The following SH3GL3 variants were observed in gnomAD, a reference collection of about 807,000 sequenced individuals.
SH3GL3 encodes endophilin-A3.
A neutral mutation model predicts 47.7 loss-of-function variants in SH3GL3; 33 were observed. The observed-to-expected ratio is 0.69, with a 90% CI of 0.52 to 0.92. SH3GL3 has a LOEUF of 0.92. SH3GL3 is among the 40% of genes least tolerant of loss of function. SH3GL3 has a pLI of 0.00. For synonymous variants in SH3GL3, 155 were observed against 148.8 expected (o/e 1.04, Z -0.30); for missense variants, 363 against 417.8 (o/e 0.87, Z 1.14).
At chr15:83,537,189 C>T (rs1322428257) in intron 1 of SH3GL3, among the ~76,000 whole-genome samples, 1 of 152,082 alleles carries the variant, frequency 6.6e-6, no homozygotes, top group Non-Finnish European at 1.5e-5. Context: ...GCAGGGCTGC[C>T]TCTTCATGTT....
chr15:83,602,762 G>A (rs1453966117), intron 8 of SH3GL3, among the ~76,000 whole-genome samples: 1 of 152,100 alleles, frequency 6.6e-6, no homozygotes, highest in African/African-American at 2.4e-5. Context: ...AAAGTGTCTT[G>A]ATTAGACCCT....
intron 1 of SH3GL3, among the ~76,000 whole-genome samples, chr15:83,541,329 T>TG (rs2044151663): frequency 1.2e-5 from 1 of 81,328 alleles, no homozygotes; most frequent in African/African-American, 5.6e-5. Context: ...TTTTTTTTTT[T>TG]TTTTTTTTTT....
At chr15:83,499,231 TAGC>T (rs1335448930) in intron 1 of SH3GL3, among the ~76,000 whole-genome samples, 1 of 152,102 alleles carries the variant, frequency 6.6e-6, no homozygotes, top group Non-Finnish European at 1.5e-5. Context: ...GGTTTACAGT[TAGC>T]AGTATTTTAT....
At chr15:83,553,123 A>G (rs1814774968) in intron 1 of SH3GL3, among the ~76,000 whole-genome samples, 1 of 152,086 alleles carries the variant, frequency 6.6e-6, no homozygotes, top group South Asian at 2.1e-4. Flanking sequence ...AAAATGAGCC[A>G]GGCATGATGC....
At chr15:83,481,337 T>C (rs771161867) in intron 1 of SH3GL3, among the ~76,000 whole-genome samples, 1 of 151,712 alleles carries the variant, frequency 6.6e-6, no homozygotes, top group Non-Finnish European at 1.5e-5. Flanking sequence ...GCTGAAATAA[T>C]TATTTGCTGA....
intron 1 of SH3GL3, among the ~76,000 whole-genome samples, chr15:83,538,245 C>T (rs185014917): frequency 1.8e-4 from 27 of 152,198 alleles, no homozygotes; most frequent in African/African-American, 1.2e-4. Flanking sequence ...CAGATAGGGA[C>T]GAAGTGGTCC....
chr15:83,538,339 G>T (rs887715578), intron 1 of SH3GL3, among the ~76,000 whole-genome samples: 8 of 152,164 alleles, frequency 5.3e-5, no homozygotes, highest in Non-Finnish European at 1.2e-4. Flanking sequence ...TGAATGCAGG[G>T]CTTATGGAAG....
At chr15:83,564,749 A>G (rs1022803582) in intron 2 of SH3GL3, among the ~76,000 whole-genome samples, 1 of 152,182 alleles carries the variant, frequency 6.6e-6, no homozygotes, top group African/African-American at 2.4e-5. Flanking sequence ...GCATCCTTAT[A>G]TAAGTATAGA....
chr15:83,511,344 T>C (rs541084016), intron 1 of SH3GL3, among the ~76,000 whole-genome samples: 1 of 152,260 alleles, frequency 6.6e-6, no homozygotes, highest in South Asian at 2.1e-4. Context: ...CAGCTCCAGA[T>C]GTAAACTTTT....
chr15:83,501,926 C>A (rs374242141), intron 1 of SH3GL3, among the ~76,000 whole-genome samples: 3 of 152,212 alleles, frequency 2.0e-5, no homozygotes, highest in East Asian at 3.9e-4. Context: ...TTACTGGCTT[C>A]TTTTTAGACA....
At chr15:83,591,932 C>T (rs2151814020) in intron 8 of SH3GL3, among the ~76,000 whole-genome samples, 1 of 152,226 alleles carries the variant, frequency 6.6e-6, no homozygotes, top group South Asian at 2.1e-4. Flanking sequence ...CTTGGCCTCC[C>T]AAAGTGCTGG....
chr15:83,597,685 C>T (rs974174742), intron 8 of SH3GL3, among the ~76,000 whole-genome samples: 108 of 151,970 alleles, frequency 7.1e-4, no homozygotes, highest in African/African-American at 2.4e-3. Context: ...TCTCGGCTCA[C>T]TGCAACCTCC....
intron 5 of SH3GL3, among the ~76,000 whole-genome samples, chr15:83,573,650 G>A (rs1009829743): frequency 2.0e-5 from 3 of 152,228 alleles, no homozygotes; most frequent in African/African-American, 7.2e-5. Flanking sequence ...GGTGGGATGT[G>A]TGAGCTTGGG....
chr15:83,607,350 A>C (rs1327261155), intron 8 of SH3GL3, among the ~76,000 whole-genome samples: 1 of 152,222 alleles, frequency 6.6e-6, no homozygotes, highest in African/African-American at 2.4e-5. Flanking sequence ...CATCCAGAGG[A>C]CTCTGAGTCC....
At chr15:83,473,572 G>C (rs2040939240) in intron 1 of SH3GL3, among the ~76,000 whole-genome samples, 1 of 150,618 alleles carries the variant, frequency 6.6e-6, no homozygotes. Flanking sequence ...TTCTGAGACA[G>C]AGTCTCGCTC....
intron 1 of SH3GL3, among the ~76,000 whole-genome samples, chr15:83,545,990 C>T (rs1371612141): frequency 6.6e-6 from 1 of 152,190 alleles, no homozygotes; most frequent in Non-Finnish European, 1.5e-5. Context: ...GAAGCCAGAA[C>T]AGTACTGGGT....
At chr15:83,449,052 G>T (rs369245720) in intron 1 of SH3GL3, among the ~76,000 whole-genome samples, 2 of 152,280 alleles carry the variant, frequency 1.3e-5, no homozygotes, top group African/African-American at 4.8e-5. Flanking sequence ...GTGATTTCCA[G>T]CCTAAGCGGA....
rs1414993554 is a variant in SH3GL3, at chr15:83,448,441, G to GGTGTGTGT, written c.45+863_45+864insGTGTGTGT. Among the ~76,000 whole-genome samples, 41 of 68,640 alleles carry GGTGTGTGT rather than the reference G, an allele frequency of 6.0e-4. No homozygotes were observed. Among genetic ancestry groups the GGTGTGTGT allele is most frequent in the Middle Eastern group, 6.6e-3 (1 of 152 alleles). 45.0% of individuals were successfully genotyped at this position (68,640 alleles called of 152,430 possible). On this transcript the variant is annotated intron_variant, in intron 1 of 8. Coordinates refer to ENST00000427482, the MANE Select transcript of SH3GL3 (RefSeq NM_003027.5). This position sits in a 1 kb window ranked among gnomAD's most constrained non-coding sequence, Gnocchi z 4.2. Reference sequence around the variant, plus strand: ...AAAACAGGAGGGGAGACATGAAATTGATGTGTGTGTGTGTGTGTGTGTGTG... The same window carrying GGTGTGTGT: ...AAAACAGGAGGGGAGACATGAAATTGGTGTGTGTATGTGTGTGTGTGTGTGTGTGTGTG...
intron 1 of SH3GL3, among the ~76,000 whole-genome samples, chr15:83,528,763 C>T (rs903703724): frequency 6.6e-6 from 1 of 151,972 alleles, no homozygotes; most frequent in Non-Finnish European, 1.5e-5. Flanking sequence ...ACTGAGCTTC[C>T]TTAATAACAT....
Sources: gnomAD v4.1 joint callset for allele counts (sites outside exome capture counted in the v4.1 genomes callset) on GRCh38, gnomAD v4.1.1 for gene constraint, Gnocchi (gnomAD v3.1) non-coding constraint, MANE v1.5 for transcripts, NCBI Gene and HGNC (gene_info 2026-07-23, HGNC 2026-07-21) for gene names.